Variants in UBE2H observed in about 807,000 individuals in gnomAD.
UBE2H encodes the protein ubiquitin conjugating enzyme E2 H.
Under a neutral mutation model 29.0 loss-of-function variants are expected in UBE2H, and 3 were observed. The observed-to-expected ratio is 0.10, with a 90% CI of 0.05 to 0.27. The LOEUF (loss-of-function observed/expected upper bound fraction) is 0.27, where lower values mean the gene tolerates loss of function less well. Ranked by LOEUF, UBE2H falls within the 10% of genes least tolerant of loss-of-function variation. The pLI, the probability that UBE2H is intolerant of heterozygous loss-of-function variation, is 1.00. For synonymous variants in UBE2H, 69 were observed against 82.9 expected, an observed-to-expected ratio of 0.83 and a Z score of 0.91; for missense variants, 68 against 228.2, an observed-to-expected ratio of 0.30 and a Z score of 4.52.
chr7:129,890,873 G>A (rs1355399637), intron 1 of UBE2H, among the ~76,000 whole-genome samples: 6 of 152,046 alleles, frequency 3.9e-5, no homozygotes, highest in African/African-American at 1.4e-4. Flanking sequence ...GGTGGCTCAC[G>A]CCTGTAATCC....
intron 1 of UBE2H, among the ~76,000 whole-genome samples, chr7:129,896,855 G>C (rs1301136982): frequency 1.3e-5 from 2 of 152,176 alleles, no homozygotes; most frequent in East Asian, 3.8e-4. Flanking sequence ...ATCATTCACA[G>C]TAAGCAGTTA....
intron 1 of UBE2H, among the ~76,000 whole-genome samples, chr7:129,913,920 G>A (rs1011104061): frequency 2.0e-5 from 3 of 152,222 alleles, no homozygotes; most frequent in South Asian, 2.1e-4. Flanking sequence ...TTTTGTTACC[G>A]ACATGGAAGG....
In UBE2H at chr7:129,900,969, C is replaced by G. The variant is rs532690724; in HGVS notation, c.54-19998G>C. On this transcript the variant is annotated intron_variant, in intron 1 of 6. Transcript: ENST00000355621. The stretch of plus-strand genomic sequence containing the variant: ...GTTTCACCGTGTTAGCCAGGATGGT[C>G]TCCATCTCCTGACCTCATGATCCAC... 3.9e-5 allele frequency among the ~76,000 whole-genome samples: 6 copies of G among 152,250 alleles called. No individual in the cohort carries two copies. The East Asian group carries it at 1.2e-3, about 29-fold the overall frequency.
At chr7:129,847,613 T>C (rs567232055) in intron 5 of UBE2H, among the ~76,000 whole-genome samples, 2 of 152,286 alleles carry the variant, frequency 1.3e-5, no homozygotes, top group South Asian at 2.1e-4. Flanking sequence ...AGTGCTGGGA[T>C]TACAGGCGTG....
intron 5 of UBE2H, among the ~76,000 whole-genome samples, chr7:129,855,759 T>A (rs1805693264): frequency 1.3e-5 from 2 of 152,152 alleles, no homozygotes; most frequent in African/African-American, 4.8e-5. Context: ...TAGCCAGGCA[T>A]GGTAGTATGC....
chr7:129,935,365 A>G (rs1807505670), intron 1 of UBE2H, among the ~76,000 whole-genome samples: 1 of 151,368 alleles, frequency 6.6e-6, no homozygotes, highest in South Asian at 2.1e-4. Flanking sequence ...GTGAGCTGAC[A>G]TCACACCACT....
intron 4 of UBE2H, 26 bp downstream of exon 4, chr7:129,858,876 T>G: frequency 1.9e-6 from 3 of 1,599,266 alleles, no homozygotes; most frequent in South Asian, 1.1e-5. Context: ...CTGCTAAAAT[T>G]GAAACATTTT....
intron 1 of UBE2H, among the ~76,000 whole-genome samples, chr7:129,940,582 C>T (rs895488397): frequency 2.6e-5 from 4 of 152,204 alleles, no homozygotes; most frequent in African/African-American, 9.7e-5. Context: ...AGCAACTATT[C>T]ACACTGCCTA....
intron 1 of UBE2H, among the ~76,000 whole-genome samples, chr7:129,901,231 C>G (rs1806707852): frequency 6.6e-6 from 1 of 152,120 alleles, no homozygotes; most frequent in African/African-American, 2.4e-5. Flanking sequence ...GCAAATGTAC[C>G]TTTCTCATTA....
chr7:129,859,337 A>G (rs1805759824), intron 3 of UBE2H, among the ~76,000 whole-genome samples: 1 of 152,236 alleles, frequency 6.6e-6, no homozygotes, highest in Non-Finnish European at 1.5e-5. Flanking sequence ...GAGGTTCTGC[A>G]TTTCAACTTC....
At chr7:129,902,117 A>C (rs1806727687) in intron 1 of UBE2H, among the ~76,000 whole-genome samples, 1 of 152,192 alleles carries the variant, frequency 6.6e-6, no homozygotes, top group South Asian at 2.1e-4. Context: ...AAGAGTTCTA[A>C]GAAAAGGCTG....
In UBE2H at chr7:129,835,170, C is replaced by T. The variant is rs941410552; in HGVS notation, c.428-109G>A. On this transcript the variant is annotated intron_variant, in intron 6 of 6. Transcript: ENST00000355621. ...GGAGGTTCAAACTTACCTTGAACAC[C>T]AGGGGGGACAAAGATGACAGTAATC... 16 of 1,457,700 alleles carry T rather than the reference C, an allele frequency of 1.1e-5. No homozygotes were observed. In the African/African-American group the frequency reaches 2.2e-4, roughly 20 times the overall value. 90.3% of individuals were successfully genotyped at this position (1,457,700 alleles called of 1,614,324 possible).
intron 5 of UBE2H, among the ~76,000 whole-genome samples, chr7:129,853,227 A>G (rs1805642694): frequency 6.6e-6 from 1 of 152,218 alleles, no homozygotes; most frequent in African/African-American, 2.4e-5. Context: ...CAGATAAAAT[A>G]TATTTTGGAG....
At chr7:129,859,782 A>ACT (rs143603436) in intron 3 of UBE2H, among the ~76,000 whole-genome samples, 9,672 of 152,054 alleles carry the variant, frequency 0.064, 365 homozygotes, top group Non-Finnish European at 0.091. Context: ...TCCTTTTAGG[A>ACT]CTCATTCTGT....
intron 1 of UBE2H, among the ~76,000 whole-genome samples, chr7:129,892,153 C>T (rs1044142386): frequency 7.9e-5 from 12 of 151,888 alleles, no homozygotes; most frequent in South Asian, 2.1e-4. Context: ...GGGGTTTCAC[C>T]GTAGCCAGGA....
chr7:129,860,538 C>G (rs933237135), intron 3 of UBE2H, among the ~76,000 whole-genome samples: 1 of 152,108 alleles, frequency 6.6e-6, no homozygotes, highest in African/African-American at 2.4e-5. Flanking sequence ...GTCCCAGATG[C>G]CCCATGAGAG....
At chr7:129,936,868 C>T (rs1807541028) in intron 1 of UBE2H, among the ~76,000 whole-genome samples, 1 of 150,432 alleles carries the variant, frequency 6.6e-6, no homozygotes, top group Non-Finnish European at 1.5e-5. Flanking sequence ...ATCCCAGCTA[C>T]CCAGGAGGCT....
chr7:129,950,624 G>A (rs1807855050), intron 1 of UBE2H, among the ~76,000 whole-genome samples: 1 of 152,168 alleles, frequency 6.6e-6, no homozygotes, highest in Non-Finnish European at 1.5e-5. Context: ...ATCACAAACA[G>A]CTGGAATTGT....
At chr7:129,867,266 A>G (rs1302123424) in intron 3 of UBE2H, among the ~76,000 whole-genome samples, 1 of 151,990 alleles carries the variant, frequency 6.6e-6, no homozygotes, top group Non-Finnish European at 1.5e-5. Context: ...TTATTGCGGC[A>G]CTATTCACAA....
Sources: gnomAD v4.1 joint callset for allele counts (sites outside exome capture counted in the v4.1 genomes callset) on GRCh38, gnomAD v4.1.1 for gene constraint, MANE v1.5 for transcripts, NCBI Gene and HGNC (gene_info 2026-07-23, HGNC 2026-07-21) for gene names.